ULK4: variants seen among roughly 807,000 people sequenced by gnomAD.
ULK4 encodes the protein inactive serine/threonine-protein kinase ULK4.
Under a neutral mutation model 160.6 loss-of-function variants are expected in ULK4, and 133 were observed. The ratio of observed to expected loss-of-function variants is 0.83; its 90% CI spans 0.72 to 0.96. The LOEUF (loss-of-function observed/expected upper bound fraction) is 0.96. ULK4 is among the 40% of genes least tolerant of loss of function. The pLI is 0.00. For missense variants in ULK4, 1,580 were observed against 1,499.5 expected, an observed-to-expected ratio of 1.05 and a Z score of -0.89; for synonymous variants, 534 against 539.8, an observed-to-expected ratio of 0.99 and a Z score of 0.15.
At chr3:41,384,065 GCA>G (rs2081739955) in intron 35 of ULK4, among the ~76,000 whole-genome samples, 1 of 152,156 alleles carries the variant, frequency 6.6e-6, no homozygotes, top group Non-Finnish European at 1.5e-5. Context: ...CTTAGTGATT[GCA>G]AGGGTAACAC....
In ULK4 at chr3:41,506,767, A is replaced by AAAAAAAAAAAAAAAAAAAAAAAAATAT; in HGVS notation, c.3227-43515_3227-43514insATATTTTTTTTTTTTTTTTTTTTTTTT. On this transcript the variant is annotated intron_variant, in intron 32 of 36. Coordinates refer to ENST00000301831, the MANE Select transcript of ULK4 (RefSeq NM_017886.4). The stretch of plus-strand genomic sequence containing the variant: ...AGCAATACACTGGAGTGTGATTTAA[A>AAAAAAAAAAAAAAAAAAAAAAAAATAT]ATATATATATATATATATATATATA... Among the ~76,000 whole-genome samples, 104 of 56,780 alleles carry AAAAAAAAAAAAAAAAAAAAAAAAATAT rather than the reference A, an allele frequency of 1.8e-3. 1 individual carries two copies. Among genetic ancestry groups the AAAAAAAAAAAAAAAAAAAAAAAAATAT allele is most frequent in the Non-Finnish European group, 2.6e-3 (83 of 31,980 alleles). 37.2% of individuals were successfully genotyped at this position (56,780 alleles called of 152,430 possible).
At chr3:41,272,060 G>A (rs2079146797) in intron 35 of ULK4, among the ~76,000 whole-genome samples, 2 of 152,104 alleles carry the variant, frequency 1.3e-5, no homozygotes, top group African/African-American at 4.8e-5. Context: ...GGAATTGCAG[G>A]CATGTGCCAC....
chr3:41,850,983 G>A (rs982330500), intron 17 of ULK4, among the ~76,000 whole-genome samples: 6 of 152,060 alleles, frequency 3.9e-5, no homozygotes, highest in African/African-American at 1.4e-4. Flanking sequence ...ATTAATTTTT[G>A]TATAAGGTTT....
chr3:41,550,574 T>C (rs1449706904), intron 32 of ULK4, among the ~76,000 whole-genome samples: 1 of 151,980 alleles, frequency 6.6e-6, no homozygotes, highest in East Asian at 1.9e-4. Context: ...AAGGAATCAA[T>C]TCAGCAAGAG....
chr3:41,913,073 G>A, intron 8 of ULK4, 174 bp from the exon 9 acceptor site: 6 of 565,876 alleles, frequency 1.1e-5, no homozygotes, highest in Non-Finnish European at 1.9e-5. Flanking sequence ...TAGACAGCAA[G>A]ATAAAAAGAA....
At chr3:41,812,660 C>CAA (rs1487900752) in intron 19 of ULK4, among the ~76,000 whole-genome samples, 2 of 152,072 alleles carry the variant, frequency 1.3e-5, no homozygotes, top group Non-Finnish European at 2.9e-5. Flanking sequence ...TTTAAAAAAA[C>CAA]AAAAACATGT....
chr3:41,578,871 A>G (rs1336535322), intron 31 of ULK4, among the ~76,000 whole-genome samples: 1 of 152,226 alleles, frequency 6.6e-6, no homozygotes, highest in Non-Finnish European at 1.5e-5. Flanking sequence ...CTCAATTTCC[A>G]AAGTCCAGAA....
chr3:41,851,391 G>A (rs371002421), intron 17 of ULK4, among the ~76,000 whole-genome samples: 11 of 152,222 alleles, frequency 7.2e-5, no homozygotes, highest in East Asian at 3.9e-4. Context: ...ATTGATTTGC[G>A]TATGTTGAAC....
At chr3:41,597,977 T>G (rs1488019906) in intron 31 of ULK4, among the ~76,000 whole-genome samples, 1 of 152,206 alleles carries the variant, frequency 6.6e-6, no homozygotes, top group Non-Finnish European at 1.5e-5. Flanking sequence ...AATAACTTTC[T>G]GAAAAAACTC....
chr3:41,306,027 T>C (rs184563225), intron 35 of ULK4, among the ~76,000 whole-genome samples: 24,465 of 136,002 alleles, frequency 0.18, 2,659 homozygotes, highest in African/African-American at 0.32. Flanking sequence ...CGCCTGGCAG[T>C]CGCCCCGTCT....
At chr3:41,813,609 A>G (rs1377430696) in intron 19 of ULK4, among the ~76,000 whole-genome samples, 1 of 152,242 alleles carries the variant, frequency 6.6e-6, no homozygotes, top group Non-Finnish European at 1.5e-5. Context: ...CTAATTACCT[A>G]AACAAGGAGC....
chr3:41,658,552 T>A (rs1575538349), intron 30 of ULK4, among the ~76,000 whole-genome samples: 1 of 152,288 alleles, frequency 6.6e-6, no homozygotes, highest in African/African-American at 2.4e-5. Context: ...AGAACAAATA[T>A]TCACCTAAAG....
At chr3:41,906,968 GGCGACTGA>G (rs771605540) in intron 12 of ULK4, among the ~76,000 whole-genome samples, 12 of 148,398 alleles carry the variant, frequency 8.1e-5, no homozygotes, top group Non-Finnish European at 1.4e-4. Flanking sequence ...ACTCCAGCCT[GGCGACTGA>G]GCAAGACTGT....
chr3:41,563,673 G>A (rs989884041), intron 32 of ULK4, among the ~76,000 whole-genome samples: 31 of 152,086 alleles, frequency 2.0e-4, no homozygotes, highest in Admixed American at 3.9e-4. Flanking sequence ...TTGTGCATGC[G>A]TCACGAAGTT....
At chr3:41,288,946 G>A (rs1575398603) in intron 35 of ULK4, among the ~76,000 whole-genome samples, 1 of 152,174 alleles carries the variant, frequency 6.6e-6, no homozygotes, top group African/African-American at 2.4e-5. Context: ...TCACGATGGA[G>A]CAGGCACACG....
At chr3:41,918,683 A>T (rs529608509) in intron 6 of ULK4, 143 bp from the exon 7 acceptor site, 1 of 435,584 alleles carries the variant, frequency 2.3e-6, no homozygotes, top group Non-Finnish European at 3.9e-6. Flanking sequence ...CTCACTGCAC[A>T]CTCCGCCTCC....
At chr3:41,303,490 C>T (rs10049489) in intron 35 of ULK4, among the ~76,000 whole-genome samples, 26,810 of 152,088 alleles carry the variant, frequency 0.18, 3,005 homozygotes, top group African/African-American at 0.32. Context: ...GCTGTCTCTG[C>T]GAATTCAGTG....
At position 41,643,748 on chromosome 3, in the gene ULK4, T is replaced by C. The variant is rs577681250; in HGVS notation, c.3071+19859A>G. 2.6e-5 allele frequency among the ~76,000 whole-genome samples: 4 copies of C among 152,304 alleles called. No homozygotes were observed. In the South Asian group the frequency reaches 8.3e-4, roughly 32 times the overall value. ...GTGAAGAAAGTCATTGGTAGCTTGA[T>C]GGGGATGGCATTGAATCTATAAATT... is the stretch of plus-strand genomic sequence containing the variant. On this transcript the variant is annotated intron_variant, in intron 30 of 36. Transcript: ENST00000301831.
chr3:41,467,343 A>G (rs1290791705), intron 32 of ULK4, among the ~76,000 whole-genome samples: 1 of 152,138 alleles, frequency 6.6e-6, no homozygotes, highest in Non-Finnish European at 1.5e-5. Context: ...CCTGACCAAC[A>G]TGGTGAAAAC....
Sources: gnomAD v4.1 joint callset for allele counts (sites outside exome capture counted in the v4.1 genomes callset) on GRCh38, gnomAD v4.1.1 for gene constraint, MANE v1.5 for transcripts, NCBI Gene and HGNC (gene_info 2026-07-23, HGNC 2026-07-21) for gene names.